Variants in SLC6A11 observed in about 807,000 individuals in gnomAD.
The protein encoded by SLC6A11 is solute carrier family 6 member 11, also known as sodium- and chloride-dependent GABA transporter 3.
SLC6A11 carries 25 observed loss-of-function variants against 74.8 expected under a neutral mutation model. That is an observed-to-expected ratio of 0.33 (90% CI 0.24 to 0.47). SLC6A11 has a LOEUF of 0.47. SLC6A11 is among the 20% of genes least tolerant of loss of function. The pLI, the probability that SLC6A11 is intolerant of heterozygous loss-of-function variation, is 1.00. For missense variants in SLC6A11, 574 were observed against 837.0 expected (o/e 0.69, Z 3.88); for synonymous variants, 330 against 330.2 (o/e 1.00, Z 0.01).
intron 6 of SLC6A11, among the ~76,000 whole-genome samples, chr3:10,894,624 TG>T (rs1695148671): frequency 6.6e-6 from 1 of 152,106 alleles, no homozygotes; most frequent in Admixed American, 6.5e-5. Context: ...AGTAGAATGG[TG>T]GTTCCCAGGG....
intron 6 of SLC6A11, among the ~76,000 whole-genome samples, chr3:10,878,789 C>A (rs1182971980): frequency 6.6e-6 from 1 of 152,096 alleles, no homozygotes; most frequent in East Asian, 1.9e-4. Context: ...TGCACCACCC[C>A]CAGCACCCCA....
chr3:10,843,580 G>A (rs1191108143), intron 4 of SLC6A11, among the ~76,000 whole-genome samples: 1 of 152,216 alleles, frequency 6.6e-6, no homozygotes, highest in Non-Finnish European at 1.5e-5. Flanking sequence ...TTATGCTGCA[G>A]TAATAAATGT....
chr3:10,880,228 A>C (rs1423414059), intron 6 of SLC6A11, among the ~76,000 whole-genome samples: 1 of 152,188 alleles, frequency 6.6e-6, no homozygotes, highest in Non-Finnish European at 1.5e-5. Context: ...GAAAGTTTCC[A>C]TCTTGTATCT....
chr3:10,905,727 G>A (rs759868339), intron 6 of SLC6A11, among the ~76,000 whole-genome samples: 1 of 152,186 alleles, frequency 6.6e-6, no homozygotes, highest in Non-Finnish European at 1.5e-5. Flanking sequence ...TATGCTTTCT[G>A]TAAAGAGCCT....
intron 6 of SLC6A11, among the ~76,000 whole-genome samples, chr3:10,895,558 T>G (rs1237189700): frequency 1.3e-5 from 2 of 152,038 alleles, no homozygotes; most frequent in African/African-American, 2.4e-5. Flanking sequence ...TGAGAACACA[T>G]GGACACAGGG....
chr3:10,929,070 G>A, intron 9 of SLC6A11, 132 bp from the exon 10 acceptor site: 1 of 879,140 alleles, frequency 1.1e-6, no homozygotes, highest in Non-Finnish European at 1.8e-6. Flanking sequence ...TTATCCTCAG[G>A]CCCCTCGTCT....
chr3:10,867,816 A>G (rs1428905977), intron 5 of SLC6A11, among the ~76,000 whole-genome samples: 4 of 152,230 alleles, frequency 2.6e-5, no homozygotes, highest in African/African-American at 4.8e-5. Context: ...GCACCTCTCT[A>G]GAACTTGCTT....
At chr3:10,903,617 C>G (rs2655280) in intron 6 of SLC6A11, among the ~76,000 whole-genome samples, 106,827 of 152,136 alleles carry the variant, frequency 0.7, 38,955 homozygotes, top group African/African-American at 0.89. Flanking sequence ...GCTTATGGTG[C>G]GGGGAAGAGG....
chr3:10,930,668 C>T (rs1695673999), intron 10 of SLC6A11, among the ~76,000 whole-genome samples: 2 of 152,178 alleles, frequency 1.3e-5, no homozygotes, highest in Non-Finnish European at 2.9e-5. Flanking sequence ...AAGAGGCTAA[C>T]GGACAGAATT....
chr3:10,886,353 C>G (rs1695042348), intron 6 of SLC6A11, among the ~76,000 whole-genome samples: 1 of 152,150 alleles, frequency 6.6e-6, no homozygotes, highest in Non-Finnish European at 1.5e-5. Flanking sequence ...GTGGCCTGGT[C>G]CCTGTCCCAT....
chr3:10,924,258 C>G (rs1274641354), intron 8 of SLC6A11, among the ~76,000 whole-genome samples: 1 of 152,208 alleles, frequency 6.6e-6, no homozygotes, highest in Non-Finnish European at 1.5e-5. Context: ...AAATCAGAAA[C>G]AAAGCAAGGA....
intron 4 of SLC6A11, among the ~76,000 whole-genome samples, chr3:10,835,291 G>T (rs1399403774): frequency 6.6e-6 from 1 of 152,188 alleles, no homozygotes; most frequent in African/African-American, 2.4e-5. Context: ...GGAGTAATGG[G>T]CAGGAATCTG....
intron 5 of SLC6A11, among the ~76,000 whole-genome samples, chr3:10,854,629 AG>A (rs1406977010): frequency 2.0e-5 from 3 of 152,118 alleles, no homozygotes; most frequent in Non-Finnish European, 4.4e-5. Context: ...GCCTTTTATA[AG>A]GCAGAGAGAG....
chr3:10,908,153 A>G (rs1006028163), intron 6 of SLC6A11, among the ~76,000 whole-genome samples: 1 of 152,208 alleles, frequency 6.6e-6, no homozygotes, highest in African/African-American at 2.4e-5. Flanking sequence ...AGTAAAGGCT[A>G]TTATGTGATG....
At chr3:10,904,162 TA>T (rs1211185192) in intron 6 of SLC6A11, among the ~76,000 whole-genome samples, 2 of 152,262 alleles carry the variant, frequency 1.3e-5, no homozygotes, top group Admixed American at 6.5e-5. Flanking sequence ...TGACTGTAGC[TA>T]AAGTGTGGGT....
At chr3:10,886,227 T>A (rs1559571767) in intron 6 of SLC6A11, among the ~76,000 whole-genome samples, 1 of 152,216 alleles carries the variant, frequency 6.6e-6, no homozygotes, top group Non-Finnish European at 1.5e-5. Flanking sequence ...TCCCTGTTAC[T>A]CTGGTGTGAC....
intron 6 of SLC6A11, 28 bp downstream of exon 6, chr3:10,875,123 A>G (rs1251180272): frequency 1.3e-6 from 2 of 1,570,378 alleles, no homozygotes; most frequent in Admixed American, 3.5e-5. Context: ...AATGTGCAGC[A>G]TCACCCACCA....
intron 3 of SLC6A11, among the ~76,000 whole-genome samples, chr3:10,822,942 CT>C (rs1275047394): frequency 1.3e-5 from 2 of 152,186 alleles, no homozygotes; most frequent in African/African-American, 4.8e-5. Context: ...TTTAGTCCCC[CT>C]ATTCCACTAC....
At chr3:10,827,689 A>G (rs1039028134) in intron 4 of SLC6A11, among the ~76,000 whole-genome samples, 12 of 152,184 alleles carry the variant, frequency 7.9e-5, no homozygotes, top group Non-Finnish European at 2.9e-5. Context: ...ACGGTGTCTT[A>G]TTTAGGGGAA....
Sources: allele counts gnomAD v4.1 joint callset (sites outside exome capture counted in the v4.1 genomes callset), GRCh38; gene constraint gnomAD v4.1.1; transcripts MANE v1.5; gene names NCBI Gene and HGNC (gene_info 2026-07-23, HGNC 2026-07-21).